Variants in EYS observed in about 807,000 individuals in gnomAD.
EYS encodes the protein EGF-like photoreceptor maintenance factor, also known as protein eyes shut homolog.
In EYS, 250 loss-of-function variants were observed where a neutral mutation model predicts 282.1. The ratio of observed to expected loss-of-function variants is 0.89; its 90% CI spans 0.80 to 0.98. The LOEUF (loss-of-function observed/expected upper bound fraction) is 0.98. Ranked by LOEUF, EYS falls within the 50% of genes least tolerant of loss-of-function variation. EYS has a pLI of 0.00. For missense variants in EYS, 4,016 were observed against 3,709.0 expected, an observed-to-expected ratio of 1.08 and a Z score of -2.15; for synonymous variants, 1,355 against 1,282.9, an observed-to-expected ratio of 1.06 and a Z score of -1.20.
rs141082684 is a variant in EYS, at chr6:63,973,873, G to A, written c.7055+10510C>T. On this transcript the variant is annotated intron_variant, in intron 35 of 42. Coordinates refer to ENST00000503581, the MANE Select transcript of EYS (RefSeq NM_001142800.2). ...TTCAAATCACTCAAGGTTTAGGTAGGCAGGTGGGAACAATTTTTACTTTAT... is the reference window on the plus strand; with the variant it reads ...TTCAAATCACTCAAGGTTTAGGTAGACAGGTGGGAACAATTTTTACTTTAT... Among the ~76,000 whole-genome samples the A allele has an allele frequency of 1.6e-3, 246 of 152,198 alleles. 2 individuals are homozygous for A. In the East Asian group the frequency reaches 0.036, roughly 22 times the overall value.
In EYS at chr6:64,053,633, C is replaced by A. The variant is rs576411412; in HGVS notation, c.6725+12705G>T. 1.2e-4 allele frequency among the ~76,000 whole-genome samples: 19 copies of A among 152,174 alleles called. No homozygotes were observed. In the South Asian group the frequency reaches 2.5e-3, roughly 20 times the overall value. Reference sequence around the variant, plus strand: ...GGATATTAGAAATAATAATTAAATACAGGTGTAAATAATTAACTACAGGTG... The same window carrying A: ...GGATATTAGAAATAATAATTAAATAAAGGTGTAAATAATTAACTACAGGTG... On this transcript the variant is annotated intron_variant, in intron 33 of 42. Transcript: ENST00000503581.
chr6:63,956,147 A>C (rs1214087919), intron 35 of EYS, among the ~76,000 whole-genome samples: 1 of 152,242 alleles, frequency 6.6e-6, no homozygotes, highest in Middle Eastern at 3.2e-3. Context: ...TATTAATATA[A>C]GAAGACAGGA....
At chr6:64,189,892 C>T (rs193054086) in intron 31 of EYS, among the ~76,000 whole-genome samples, 1 of 152,238 alleles carries the variant, frequency 6.6e-6, no homozygotes, top group Admixed American at 6.5e-5. Context: ...CTTTCTGGTC[C>T]TTTACAAAAA....
chr6:64,024,865 A>C (rs1200488601), intron 33 of EYS, among the ~76,000 whole-genome samples: 1 of 152,004 alleles, frequency 6.6e-6, no homozygotes, highest in Non-Finnish European at 1.5e-5. Flanking sequence ...CCACCCTAAG[A>C]GTTGTAACAC....
At chr6:65,274,461 G>T (rs115148306) in intron 12 of EYS, among the ~76,000 whole-genome samples, 1 of 152,256 alleles carries the variant, frequency 6.6e-6, no homozygotes, top group South Asian at 2.1e-4. Flanking sequence ...GAGCAAATTA[G>T]CACATCTCCT....
chr6:65,277,008 T>C (rs1035592691), intron 12 of EYS, among the ~76,000 whole-genome samples: 15 of 152,202 alleles, frequency 9.9e-5, no homozygotes, highest in African/African-American at 3.6e-4. Context: ...AACTACATGT[T>C]TATGTTCCCC....
At chr6:64,027,800 C>A (rs1376541566) in intron 33 of EYS, among the ~76,000 whole-genome samples, 1 of 152,178 alleles carries the variant, frequency 6.6e-6, no homozygotes, top group Non-Finnish European at 1.5e-5. Context: ...AACAGATGAT[C>A]CAACAACAGG....
At chr6:65,629,120 C>G (rs1348892957) in intron 2 of EYS, among the ~76,000 whole-genome samples, 1 of 152,154 alleles carries the variant, frequency 6.6e-6, no homozygotes, top group Non-Finnish European at 1.5e-5. Context: ...CTCAGTCAAT[C>G]CTTTCAGTTC....
At chr6:64,118,431 T>G (rs554351683) in intron 31 of EYS, among the ~76,000 whole-genome samples, 5 of 152,012 alleles carry the variant, frequency 3.3e-5, no homozygotes, top group Admixed American at 2.0e-4. Flanking sequence ...AGAATATAAA[T>G]TGGGGAAAGG....
chr6:64,873,668 G>A lies in EYS; in HGVS notation c.2992+13029C>T, dbSNP rs1390743992. ...ATAATGTATTGCATATATCAAAATT[G>A]CTTAAAAATAGATTTTTAACATTCT... On this transcript the variant is annotated intron_variant, in intron 19 of 42. Transcript: ENST00000503581. 2.0e-5 allele frequency among the ~76,000 whole-genome samples: 3 copies of A among 151,904 alleles called. No homozygotes were observed. The East Asian group carries it at 5.8e-4, about 29-fold the overall frequency.
chr6:64,533,306 G>T (rs933627528), intron 26 of EYS, among the ~76,000 whole-genome samples: 3 of 152,178 alleles, frequency 2.0e-5, no homozygotes. Flanking sequence ...GAAGTATGTA[G>T]TAATCATTTT....
chr6:64,292,012 A>G (rs1472775555), intron 30 of EYS, among the ~76,000 whole-genome samples: 1 of 152,126 alleles, frequency 6.6e-6, no homozygotes, highest in Non-Finnish European at 1.5e-5. Context: ...TACCAATATT[A>G]TTGTCTCCAC....
At chr6:64,222,539 A>G (rs574411464) in intron 31 of EYS, among the ~76,000 whole-genome samples, 1 of 152,140 alleles carries the variant, frequency 6.6e-6, no homozygotes, top group Non-Finnish European at 1.5e-5. Flanking sequence ...TATTCCCATT[A>G]ACTAGAGAAT....
At chr6:64,496,378 G>T in intron 26 of EYS, among the ~76,000 whole-genome samples, 1 of 151,816 alleles carries the variant, frequency 6.6e-6, no homozygotes, top group Admixed American at 6.6e-5. Context: ...TGTCTGAAAT[G>T]AATAGTGGCC....
chr6:63,922,540 G>A (rs541256400), intron 35 of EYS, among the ~76,000 whole-genome samples: 8 of 152,154 alleles, frequency 5.3e-5, no homozygotes, highest in African/African-American at 1.4e-4. Flanking sequence ...TCCAGCCTGG[G>A]TGACAGAATG....
intron 13 of EYS, among the ~76,000 whole-genome samples, chr6:65,004,980 A>T (rs1224810070): frequency 6.7e-6 from 1 of 148,178 alleles, no homozygotes; most frequent in African/African-American, 2.4e-5. Context: ...CAATTAAGAA[A>T]GTAGATTATT....
rs35786372 is a variant in EYS, at chr6:64,205,856, T to TAG, written c.6424+24734_6424+24735dup. Among the ~76,000 whole-genome samples the TAG allele has an allele frequency of 6.2e-3, 926 of 149,156 alleles. 3 individuals are homozygous for TAG. The highest frequency in any genetic ancestry group is 0.039 in the Middle Eastern group (11 of 284). ...ACACACACACACACATATATATATA[T>TAG]AGAGAGAGAGAGAGAGAGAAAGAAA... is the stretch of plus-strand genomic sequence containing the variant. On this transcript the variant is annotated intron_variant, in intron 31 of 42. Transcript: ENST00000503581.
chr6:65,037,826 CAT>C (rs1772814787), intron 13 of EYS, among the ~76,000 whole-genome samples: 1 of 151,648 alleles, frequency 6.6e-6, no homozygotes, highest in East Asian at 1.9e-4. Context: ...ATTCTAGTAT[CAT>C]ATGTAAATAC....
chr6:64,404,513 G>C (rs111598335), intron 28 of EYS, among the ~76,000 whole-genome samples: 2 of 152,176 alleles, frequency 1.3e-5, no homozygotes, highest in African/African-American at 4.8e-5. Context: ...TTATTATCTA[G>C]CAGAATTTTA....
Sources: gnomAD v4.1 joint callset for allele counts (sites outside exome capture counted in the v4.1 genomes callset) on GRCh38, gnomAD v4.1.1 for gene constraint, MANE v1.5 for transcripts, NCBI Gene and HGNC (gene_info 2026-07-23, HGNC 2026-07-21) for gene names.